The following PROX2 variants were observed in gnomAD, a reference collection of about 807,000 sequenced individuals.
PROX2 encodes the protein prospero homeobox protein 2.
PROX2 carries 46 observed loss-of-function variants against 48.9 expected under a neutral mutation model. That is an observed-to-expected ratio of 0.94 (90% confidence interval 0.74 to 1.20). The LOEUF (loss-of-function observed/expected upper bound fraction) is 1.20, where lower values mean the gene tolerates loss of function less well. Among genes scored for constraint, PROX2 ranks in the 50% most tolerant of loss-of-function variants. The probability of loss-of-function intolerance (pLI) is 0.00; values close to 1 mark genes in which losing one functional copy is unlikely to be tolerated. For missense variants in PROX2, 663 were observed against 719.4 expected (o/e 0.92, Z 0.90); for synonymous variants, 260 against 276.6 (o/e 0.94, Z 0.60).
At position 74,863,536 on chromosome 14, in the gene PROX2, C is replaced by T. The variant is rs779882928; in HGVS notation, c.299G>A (p.Arg100Gln). 38 of 1,613,416 alleles carry T rather than the reference C, an allele frequency of 2.4e-5. No individual in the cohort carries two copies. Among genetic ancestry groups the T allele is most frequent in the Middle Eastern group, 1.6e-4 (1 of 6,084 alleles). Reference sequence around the variant, plus strand: ...AAGGTTCTGCTTCCTCTTCCTCTCTCGGGCCTTCTTTGGGCAGCGTGGGCT... The same window carrying T: ...AAGGTTCTGCTTCCTCTTCCTCTCTTGGGCCTTCTTTGGGCAGCGTGGGCT... ...GVSPRCPKKARERKRKQNLPT... is the reference protein window; with the variant it reads ...GVSPRCPKKAQERKRKQNLPT... The change falls in exon 3 of 6, where the codon CGA becomes CAA. Residue 100 changes from arginine to glutamine, a missense_variant. By Grantham distance (43) the Arg-to-Gln change is conservative. Coordinates refer to ENST00000556489, the MANE Select transcript of PROX2 (RefSeq NM_001243007.2).
rs77545405 is a variant in PROX2, at chr14:74,861,713, T to A, written c.1305+817A>T. Among the ~76,000 whole-genome samples the A allele has an allele frequency of 4.6e-5, 7 of 152,340 alleles. No homozygotes were observed. In the East Asian group the frequency reaches 1.3e-3, roughly 29 times the overall value. On this transcript the variant is annotated intron_variant, in intron 3 of 5. Transcript: ENST00000556489. ...AGTTGTTCCTTAAACTGGAGACCTC[T>A]GGCCGTTTCCAGCCACCTCTCTGGG...
Position 74,858,709 on chromosome 14 carries a change from A to G in PROX2, c.1306-195T>C, listed in dbSNP as rs565640563. 1.0e-4 allele frequency: 55 copies of G among 542,932 alleles called. 1 individual carries two copies. The East Asian group carries it at 1.6e-3, about 16-fold the overall frequency. The allele number at this position is 542,932 out of a possible 1,614,324, so 33.6% of individuals were successfully genotyped here. Reference sequence around the variant, plus strand: ...ACATATGTGCACAGTTAAGTCACAGAATGTAAAAATCATCTCGATGTGGAA... The same window carrying G: ...ACATATGTGCACAGTTAAGTCACAGGATGTAAAAATCATCTCGATGTGGAA... On this transcript the variant is annotated intron_variant, in intron 3 of 5. Coordinates refer to ENST00000556489, the MANE Select transcript of PROX2 (RefSeq NM_001243007.2).
intron 1 of PROX2, among the ~76,000 whole-genome samples, chr14:74,874,531 G>A (rs1883293520): frequency 6.6e-6 from 1 of 152,058 alleles, no homozygotes; most frequent in African/African-American, 2.4e-5. Context: ...GATTACAGGC[G>A]TGAGCCACCG....
At chr14:74,855,351 A>G (rs1388480348) in intron 5 of PROX2, 49 bp from the exon 6 acceptor site, 3 of 1,454,056 alleles carry the variant, frequency 2.1e-6, no homozygotes, top group Admixed American at 2.1e-5. Context: ...GAGGTTGGGA[A>G]GCACTGGTGC....
At chr14:74,866,447 G>C (rs1462117360) in intron 2 of PROX2, among the ~76,000 whole-genome samples, 3 of 152,188 alleles carry the variant, frequency 2.0e-5, no homozygotes, top group Admixed American at 6.5e-5. Flanking sequence ...GGGACATGAA[G>C]AGGCTGGGGG....
In PROX2 at chr14:74,862,602, A is replaced by T. The variant is rs1248118205; in HGVS notation, c.1233T>A (p.Leu411=). ...FTSAHLESLP[L]LPSVKMEQRG... is the part of the protein sequence containing the mutation. ...TCTGTTCCATCTTCACCGAGGGAAG[A>T]AGGGGTAGACTTTCCAGATGGGCAG... is the stretch of plus-strand genomic sequence containing the variant. The change falls in exon 3 of 6, where the codon CTT becomes CTA. Residue 411 remains leucine (L), a synonymous_variant. Transcript: ENST00000556489. 6.2e-7 allele frequency: 1 copy of T among 1,614,020 alleles called. No individual in the cohort carries two copies. Among genetic ancestry groups the T allele is most frequent in the South Asian group, 1.1e-5 (1 of 91,082 alleles).
At position 74,858,841 on chromosome 14, in the gene PROX2, ATT is replaced by A. The variant is rs1491192029; in HGVS notation, c.1306-329_1306-328del. On this transcript the variant is annotated intron_variant, in intron 3 of 5. Coordinates refer to ENST00000556489, the MANE Select transcript of PROX2 (RefSeq NM_001243007.2). Reference sequence around the variant, plus strand: ...TTAGATGTCAAATACAGGTTGGTGTATTGTGTGTGTGTGTGTGTGTGTGTGTG... The same window carrying A: ...TTAGATGTCAAATACAGGTTGGTGTAGTGTGTGTGTGTGTGTGTGTGTGTG... 67 of 133,960 alleles carry A rather than the reference ATT, an allele frequency of 5.0e-4. 1 individual carries two copies. Among genetic ancestry groups the A allele is most frequent in the African/African-American group, 3.4e-3 (58 of 17,272 alleles). 8.3% of individuals were successfully genotyped at this position (133,960 alleles called of 1,614,324 possible). A position where few individuals can be genotyped will look rare whatever the true frequency, so the allele number is the denominator to read the frequency against.
chr14:74,867,526 C>T (rs1177393131), intron 2 of PROX2, among the ~76,000 whole-genome samples: 1 of 152,172 alleles, frequency 6.6e-6, no homozygotes, highest in East Asian at 1.9e-4. Context: ...CCAGATGTTA[C>T]CAGATGTTTG....
chr14:74,862,473 C>T (rs1272740323), intron 3 of PROX2, 57 bp downstream of exon 3: 9 of 1,555,336 alleles, frequency 5.8e-6, no homozygotes, highest in Non-Finnish European at 6.9e-6. Context: ...GGATTACAAG[C>T]ATGAGCCACA....
intron 4 of PROX2, chr14:74,857,271 G>T: frequency 3.1e-6 from 1 of 320,794 alleles, no homozygotes; most frequent in South Asian, 6.0e-5. Context: ...AGCTTTTTGT[G>T]GTGTTTGAGT....
intron 3 of PROX2, chr14:74,858,764 C>G: frequency 2.6e-6 from 1 of 379,022 alleles, no homozygotes; most frequent in Non-Finnish European, 4.7e-6. Flanking sequence ...ATGTCAAATA[C>G]AGGTTGGTGT....
Position 74,858,508 on chromosome 14 carries a change from C to T in PROX2, c.1312G>A (p.Glu438Lys), listed in dbSNP as rs1334828293. The T allele has an allele frequency of 6.4e-7, 1 of 1,553,526 alleles. No individual in the cohort carries two copies. The highest frequency in any genetic ancestry group is 1.9e-5 in the Admixed American group (1 of 53,284). Reference protein sequence around the residue: ...ALPFSLVHIQEGLNPGHLKKA... With the variant: ...ALPFSLVHIQKGLNPGHLKKA... ...TTCAAGTGACCAGGGTTTAGACCCTCCTGGATTTATCTCAGTGTCAAGGAA... is the reference window on the plus strand; with the variant it reads ...TTCAAGTGACCAGGGTTTAGACCCTTCTGGATTTATCTCAGTGTCAAGGAA... The change falls in exon 4 of 6, where the codon GAG becomes AAG. Residue 438 changes from glutamate (E) to lysine (K), a missense_variant. Glu to Lys is a moderately conservative substitution (Grantham distance 56). Coordinates refer to ENST00000556489, the MANE Select transcript of PROX2 (RefSeq NM_001243007.2).
chr14:74,857,326 C>T (rs79762303), intron 4 of PROX2: 3,561 of 204,506 alleles, frequency 0.017, 134 homozygotes, highest in African/African-American at 0.076. Flanking sequence ...TTTTGCTGCA[C>T]CCAGGTGGAC....
intron 2 of PROX2, among the ~76,000 whole-genome samples, chr14:74,864,952 T>C (rs1172367292): frequency 6.6e-6 from 1 of 151,748 alleles, no homozygotes; most frequent in Non-Finnish European, 1.5e-5. Flanking sequence ...GAGACCAGCC[T>C]GGCCAACATG....
chr14:74,874,254 T>G, intron 1 of PROX2: 1 of 181,938 alleles, frequency 5.5e-6, no homozygotes, highest in Non-Finnish European at 1.0e-5. Context: ...CATACAAGTT[T>G]TTTTTTTTTT....
chr14:74,866,095 A>T (rs993955459), intron 2 of PROX2, among the ~76,000 whole-genome samples: 2 of 151,186 alleles, frequency 1.3e-5, no homozygotes, highest in African/African-American at 4.9e-5. Context: ...TCTCTACTTT[A>T]AAAAATACAA....
intron 1 of PROX2, among the ~76,000 whole-genome samples, chr14:74,874,921 G>T (rs1385120934): frequency 2.6e-5 from 4 of 152,160 alleles, no homozygotes; most frequent in Non-Finnish European, 5.9e-5. Flanking sequence ...GAGATGGGTA[G>T]ATCGCCTGAG....
chr14:74,870,835 T>A (rs764241231), intron 2 of PROX2, among the ~76,000 whole-genome samples: 1 of 151,816 alleles, frequency 6.6e-6, no homozygotes, highest in Non-Finnish European at 1.5e-5. Flanking sequence ...AGGTCAGGAG[T>A]TCGAGACCAG....
intron 2 of PROX2, 79 bp from the exon 3 acceptor site, chr14:74,864,087 C>T (rs765893301): frequency 1.6e-5 from 5 of 312,154 alleles, no homozygotes; most frequent in Non-Finnish European, 2.3e-5. Flanking sequence ...AAACATTCAA[C>T]GCGGTCTCGT....
Sources: gnomAD v4.1 joint callset for allele counts (sites outside exome capture counted in the v4.1 genomes callset) on GRCh38, gnomAD v4.1.1 for gene constraint, MANE v1.5 for transcripts, NCBI Gene and HGNC (gene_info 2026-07-23, HGNC 2026-07-21) for gene names.